Variants in ASTN1 observed in about 807,000 individuals in gnomAD.
ASTN1 encodes astrotactin-1.
A neutral mutation model predicts 140.7 loss-of-function variants in ASTN1; 41 were observed. The observed-to-expected ratio is 0.29, with a 90% CI of 0.23 to 0.38. ASTN1 has a LOEUF of 0.38. Ranked by LOEUF, ASTN1 falls within the 10% of genes least tolerant of loss-of-function variation. The probability of loss-of-function intolerance (pLI) is 1.00; values close to 1 mark genes in which losing one functional copy is unlikely to be tolerated. For missense variants in ASTN1, 1,479 were observed against 1,678.8 expected (o/e 0.88, Z 2.08); for synonymous variants, 640 against 652.2 (o/e 0.98, Z 0.29).
At chr1:177,099,604 A>G (rs1270031887) in intron 1 of ASTN1, among the ~76,000 whole-genome samples, 2 of 152,174 alleles carry the variant, frequency 1.3e-5, no homozygotes, top group Admixed American at 1.3e-4. Context: ...AACTAAGAAG[A>G]TATTTGAGGT....
intron 16 of ASTN1, among the ~76,000 whole-genome samples, chr1:176,901,274 A>G (rs1571482176): frequency 6.6e-6 from 1 of 152,240 alleles, no homozygotes; most frequent in African/African-American, 2.4e-5. Context: ...ATACAAACAC[A>G]TCTCAAAGAT....
At chr1:176,894,896 G>A in intron 16 of ASTN1, 66 bp from the exon 17 acceptor site, 2 of 1,591,048 alleles carry the variant, frequency 1.3e-6, no homozygotes, top group Non-Finnish European at 1.7e-6. Context: ...ATGACCTCGT[G>A]GCCCCTGAGT....
chr1:176,863,724 T>G lies in ASTN1; in HGVS notation c.*560A>C. On this transcript the variant is annotated 3_prime_UTR_variant, in exon 23 of 23. Coordinates refer to ENST00000361833, the MANE Select transcript of ASTN1 (RefSeq NM_004319.3). ...GTATGGAAATAGTGATAGCAAGGCC[T>G]AGGAAGAAAACCAGGAGACACAGAC... 1 of 986,830 alleles carries G rather than the reference T, an allele frequency of 1.0e-6. No individual in the cohort carries two copies. The highest frequency in any genetic ancestry group is 1.2e-6 in the Non-Finnish European group (1 of 830,906). 61.1% of individuals were successfully genotyped at this position (986,830 alleles called of 1,614,324 possible).
intron 1 of ASTN1, among the ~76,000 whole-genome samples, chr1:177,140,753 G>T (rs72720731): frequency 6.6e-6 from 1 of 152,200 alleles, no homozygotes; most frequent in Non-Finnish European, 1.5e-5. Context: ...ATGTTAAGGT[G>T]AGAAGTGCTA....
At chr1:176,928,098 G>T (rs1033589405) in intron 16 of ASTN1, among the ~76,000 whole-genome samples, 4 of 150,334 alleles carry the variant, frequency 2.7e-5, no homozygotes, top group Admixed American at 1.3e-4. Flanking sequence ...TCTATATTTT[G>T]AGAGAAAGGA....
chr1:177,149,111 T>C (rs1218399132), intron 1 of ASTN1, among the ~76,000 whole-genome samples: 3 of 110,088 alleles, frequency 2.7e-5, no homozygotes, highest in Non-Finnish European at 4.9e-5. Flanking sequence ...ATATATAGTG[T>C]ATATATAGTA....
At chr1:176,909,391 G>T (rs1319046645) in intron 16 of ASTN1, among the ~76,000 whole-genome samples, 19 of 152,188 alleles carry the variant, frequency 1.2e-4, no homozygotes, top group Non-Finnish European at 1.5e-5. Flanking sequence ...TGTTTAGAAT[G>T]ACATGATGCC....
chr1:177,024,585 T>C lies in ASTN1; in HGVS notation c.1268A>G (p.Asp423Gly), dbSNP rs1676005844. The change falls in exon 6 of 23, where the codon GAT becomes GGT. Residue 423 changes from aspartate to glycine, a missense_variant and splice_region_variant. By Grantham distance (94) the Asp-to-Gly change is moderately conservative. Transcript: ENST00000361833. ...TLHVPEHLIA[D>G]GSRFILLEGS... is the part of the protein sequence containing the mutation. Reference sequence around the variant, plus strand: ...CATCCTCAGAAGAACAGGCTCACCATCAGCAATCAGGTGCTCAGGGACATG... The same window carrying C: ...CATCCTCAGAAGAACAGGCTCACCACCAGCAATCAGGTGCTCAGGGACATG... 3.1e-6 allele frequency: 5 copies of C among 1,613,796 alleles called. No individual in the cohort carries two copies. Among genetic ancestry groups the C allele is most frequent in the Non-Finnish European group, 4.2e-6 (5 of 1,179,764 alleles).
chr1:177,019,064 T>TA (rs1232138223), intron 7 of ASTN1, among the ~76,000 whole-genome samples: 2 of 152,208 alleles, frequency 1.3e-5, no homozygotes, highest in Non-Finnish European at 2.9e-5. Context: ...CCTTCTGTCT[T>TA]AGTTCCTTTC....
chr1:176,899,282 G>A (rs1385358069), intron 16 of ASTN1, among the ~76,000 whole-genome samples: 1 of 152,184 alleles, frequency 6.6e-6, no homozygotes, highest in Non-Finnish European at 1.5e-5. Context: ...ATGTGCACAT[G>A]GCCTTAGGCA....
chr1:176,946,075 T>C lies in ASTN1; in HGVS notation c.2100A>G (p.Gln700=). The part of the protein sequence containing the change: ...YKLGVDGRSC[Q]LITETCPEGS... ...CCTCTGGACAGGTCTCCGTGATGAG[T>C]TGGCAAGAGCGTCCATCCACACCAA... Residue 700 remains glutamine, a synonymous_variant, in exon 13 of 23, where the codon CAA becomes CAG. Transcript: ENST00000361833. The C allele has an allele frequency of 1.2e-6, 2 of 1,613,668 alleles. No homozygotes were observed. The highest frequency in any genetic ancestry group is 1.7e-6 in the Non-Finnish European group (2 of 1,179,684).
At chr1:177,047,358 TATGACAGGGAGGTCCAGAA>T (rs1050403773) in intron 2 of ASTN1, among the ~76,000 whole-genome samples, 3 of 151,232 alleles carry the variant, frequency 2.0e-5, no homozygotes, top group African/African-American at 7.4e-5. Context: ...GTCCACAAAA[TATGACAGGGAGGTCCAGAA>T]AATATGACTG....
intron 12 of ASTN1, among the ~76,000 whole-genome samples, chr1:176,948,202 CTA>C (rs752802776): frequency 5.3e-5 from 8 of 151,528 alleles, no homozygotes; most frequent in Non-Finnish European, 1.0e-4. Flanking sequence ...AGGGCAAGAA[CTA>C]TATGTTATTT....
Position 176,862,551 on chromosome 1 carries a change from T to C in ASTN1, c.*1733A>G, listed in dbSNP as rs1668004015. On this transcript the variant is annotated 3_prime_UTR_variant, in exon 23 of 23. Coordinates refer to ENST00000361833, the MANE Select transcript of ASTN1 (RefSeq NM_004319.3). ...GCTTGGACAGTTGTGTGCCAGATGA[T>C]ACTGAAAACAGAACTGGGTATCCCA... The C allele has an allele frequency of 2.0e-6, 2 of 985,290 alleles. No individual in the cohort carries two copies. The highest frequency in any genetic ancestry group is 3.5e-5 in the African/African-American group (2 of 57,218). The allele number at this position is 985,290 out of a possible 1,614,324, so 61.0% of individuals were successfully genotyped here. A position where few individuals can be genotyped will look rare whatever the true frequency, so the allele number is the denominator to read the frequency against.
At chr1:177,030,709 C>G in intron 4 of ASTN1, 97 bp downstream of exon 4, 1 of 1,497,328 alleles carries the variant, frequency 6.7e-7, no homozygotes, top group Middle Eastern at 1.8e-4. Flanking sequence ...ATACCCTCTC[C>G]AGCCACGCAT....
intron 8 of ASTN1, among the ~76,000 whole-genome samples, chr1:176,972,767 T>A (rs1673193908): frequency 6.6e-6 from 1 of 152,240 alleles, no homozygotes; most frequent in South Asian, 2.1e-4. Flanking sequence ...CAAACTTATT[T>A]ATAATTTTTT....
chr1:177,052,892 T>C (rs1677610432), intron 2 of ASTN1, among the ~76,000 whole-genome samples: 2 of 152,164 alleles, frequency 1.3e-5, no homozygotes, highest in Non-Finnish European at 1.5e-5. Flanking sequence ...AAGTTTGGAG[T>C]CAGATACACT....
chr1:176,993,965 A>G (rs756498620), intron 8 of ASTN1, among the ~76,000 whole-genome samples: 25 of 152,176 alleles, frequency 1.6e-4, no homozygotes, highest in Non-Finnish European at 3.1e-4. Context: ...CACTTCCTCA[A>G]TTGAGGTTGA....
rs12042424 is a variant in ASTN1 at position 177,084,720 on chromosome 1, C to T, written c.284-23455G>A. On this transcript the variant is annotated intron_variant, in intron 1 of 22. Coordinates refer to ENST00000361833, the MANE Select transcript of ASTN1 (RefSeq NM_004319.3). ...CAATCTCTCTTTCCACTCTTTCTCA[C>T]GGCTTGGTCTAAAATAATGATAAAA... is the stretch of plus-strand genomic sequence containing the variant. Among the ~76,000 whole-genome samples, 583 of 152,172 alleles carry T rather than the reference C, an allele frequency of 3.8e-3. 28 individuals carry two copies. In the East Asian group the frequency reaches 0.093, roughly 24 times the overall value.
Sources: allele counts gnomAD v4.1 joint callset (sites outside exome capture counted in the v4.1 genomes callset), GRCh38; gene constraint gnomAD v4.1.1; transcripts MANE v1.5; gene names NCBI Gene and HGNC (gene_info 2026-07-23, HGNC 2026-07-21).